COL4A2: variants seen among roughly 807,000 people sequenced by gnomAD.
COL4A2 encodes the protein collagen type IV alpha 2 chain.
Under a neutral mutation model 200.2 loss-of-function variants are expected in COL4A2, and 99 were observed. That is an observed-to-expected ratio of 0.49 (90% CI 0.42 to 0.58). The LOEUF (loss-of-function observed/expected upper bound fraction) is 0.58, where lower values mean the gene tolerates loss of function less well. Ranked by LOEUF, COL4A2 falls within the 20% of genes least tolerant of loss-of-function variation. The pLI is 0.00. For synonymous variants in COL4A2, 897 were observed against 900.6 expected (o/e 1.00, Z 0.07); for missense variants, 1,950 against 2,314.1 (o/e 0.84, Z 3.23).
intron 4 of COL4A2, among the ~76,000 whole-genome samples, chr13:110,422,252 T>C (rs1051702074): frequency 1.3e-5 from 2 of 152,136 alleles, no homozygotes; most frequent in Admixed American, 6.5e-5. Flanking sequence ...CTAAACAAAA[T>C]TGAGCACCAC....
chr13:110,430,736 A>G, intron 10 of COL4A2, 129 bp downstream of exon 10: 1 of 1,250,382 alleles, frequency 8.0e-7, no homozygotes. Context: ...GGCGTAGCAG[A>G]GAACATCAAG....
At chr13:110,370,250 TTTTTG>T (rs537569445) in intron 4 of COL4A2, among the ~76,000 whole-genome samples, 1 of 151,686 alleles carries the variant, frequency 6.6e-6, no homozygotes, top group Non-Finnish European at 1.5e-5. Context: ...TTTGACAAGT[TTTTTG>T]TTTTGTTTTG....
rs548289523 is a variant in COL4A2, at chr13:110,319,147, A to G, written c.99+11024A>G. Among the ~76,000 whole-genome samples the G allele has an allele frequency of 4.9e-4, 74 of 152,058 alleles. 1 individual carries two copies. In the South Asian group the frequency reaches 0.011, roughly 22 times the overall value. ...GTGGGGGGAGGTTTTAGTCTTCACG[A>G]TTCTGGTGCCTGGAGTGCTGAGACC... On this transcript the variant is annotated intron_variant, in intron 3 of 47. Coordinates refer to ENST00000360467, the MANE Select transcript of COL4A2 (RefSeq NM_001846.4).
intron 3 of COL4A2, among the ~76,000 whole-genome samples, chr13:110,338,333 G>GGAGA (rs754421670): frequency 1.5e-4 from 23 of 151,570 alleles, no homozygotes; most frequent in African/African-American, 1.5e-4. Flanking sequence ...AAACAGTGAG[G>GGAGA]GAGAGAGAGA....
intron 29 of COL4A2, among the ~76,000 whole-genome samples, 162 bp downstream of exon 29, chr13:110,473,312 T>C (rs999889329): frequency 3.3e-5 from 5 of 152,166 alleles, no homozygotes; most frequent in African/African-American, 9.7e-5. Flanking sequence ...CTTTAGAATG[T>C]GTCTGTCACA....
rs1352195646 is a variant in COL4A2, at chr13:110,512,084, A to G, written c.5032A>G (p.Thr1678Ala). The change falls in exon 48 of 48, where the codon ACC (threonine) becomes GCC (alanine). Residue 1678 changes from threonine to alanine, a missense_variant. Coordinates refer to ENST00000360467, the MANE Select transcript of COL4A2 (RefSeq NM_001846.4). ...CAACAAGTACAGCTTCTGGCTGACCACCATTCCCGAGCAGAGCTTCCAGGG... is the reference window on the plus strand; with the variant it reads ...CAACAAGTACAGCTTCTGGCTGACCGCCATTCCCGAGCAGAGCTTCCAGGG... ...YANKYSFWLT[T>A]IPEQSFQGSP... 12 of 1,613,602 alleles carry G rather than the reference A, an allele frequency of 7.4e-6. No homozygotes were observed. The highest frequency in any genetic ancestry group is 1.3e-5 in the African/African-American group (1 of 74,920).
intron 4 of COL4A2, among the ~76,000 whole-genome samples, chr13:110,408,577 T>A (rs1879666894): frequency 6.6e-6 from 1 of 152,162 alleles, no homozygotes; most frequent in Admixed American, 6.5e-5. Flanking sequence ...AGAGCCGCCC[T>A]CTGGCCATCG....
Position 110,503,288 on chromosome 13 carries a change from A to G in COL4A2, c.4039+6A>G. Reference sequence around the variant, plus strand: ...TGGTCTCCCAGGAGAAAAAGGTAACAGTGCCCATGGCCATGGGCCAGCAGC... The same window carrying G: ...TGGTCTCCCAGGAGAAAAAGGTAACGGTGCCCATGGCCATGGGCCAGCAGC... On this transcript the variant is annotated splice_donor_region_variant and intron_variant, in intron 42 of 47. Transcript: ENST00000360467. 6.2e-7 allele frequency: 1 copy of G among 1,600,812 alleles called. No individual in the cohort carries two copies. Among genetic ancestry groups the G allele is most frequent in the Non-Finnish European group, 8.5e-7 (1 of 1,174,518 alleles).
In COL4A2 at chr13:110,490,472, G is replaced by T. The variant is rs115464256; in HGVS notation, c.3346+687G>T. 7.2e-5 allele frequency among the ~76,000 whole-genome samples: 11 copies of T among 152,352 alleles called. No individual in the cohort carries two copies. The South Asian group carries it at 2.3e-3, about 32-fold the overall frequency. On this transcript the variant is annotated intron_variant, in intron 36 of 47. Coordinates refer to ENST00000360467, the MANE Select transcript of COL4A2 (RefSeq NM_001846.4). ...TCCAGGGTTGGCCAGTGGGGAGACT[G>T]CTGGGCCAGTTCTTTATCTAGAAAT...
At chr13:110,492,391 C>A (rs1359431191) in intron 38 of COL4A2, among the ~76,000 whole-genome samples, 1 of 152,234 alleles carries the variant, frequency 6.6e-6, no homozygotes, top group East Asian at 1.9e-4. Context: ...ATGCACAAAT[C>A]TGCCCAGGGC....
chr13:110,401,078 G>T (rs1224535273), intron 4 of COL4A2, among the ~76,000 whole-genome samples: 1 of 152,152 alleles, frequency 6.6e-6, no homozygotes, highest in East Asian at 1.9e-4. Flanking sequence ...CAGTTTTATA[G>T]CTGACTGTCC....
At chr13:110,430,482 G>C in intron 9 of COL4A2, 46 bp downstream of exon 9, 1 of 1,614,056 alleles carries the variant, frequency 6.2e-7, no homozygotes, top group Non-Finnish European at 8.5e-7. Context: ...AAGTTTAAGA[G>C]CTTCAGAACT....
intron 7 of COL4A2, chr13:110,429,458 T>TAA (rs2139458274): frequency 5.7e-6 from 1 of 175,890 alleles, no homozygotes; most frequent in Non-Finnish European, 1.2e-5. Flanking sequence ...CTACTGTTTA[T>TAA]ATTTGACACA....
chr13:110,492,617 G>T (rs535584898), intron 38 of COL4A2, among the ~76,000 whole-genome samples: 3 of 152,226 alleles, frequency 2.0e-5, no homozygotes, highest in Admixed American at 6.5e-5. Context: ...CCACCTGTTT[G>T]CTGTGTCCTG....
intron 4 of COL4A2, among the ~76,000 whole-genome samples, chr13:110,406,349 G>T (rs7982289): frequency 0.017 from 2,644 of 152,234 alleles, 39 homozygotes; most frequent in Middle Eastern, 0.068. Flanking sequence ...CTGAGAGCCC[G>T]GCACAGGACT....
At chr13:110,486,590 A>G (rs1987498) in intron 34 of COL4A2, among the ~76,000 whole-genome samples, 133,512 of 152,216 alleles carry the variant, frequency 0.88, 58,504 homozygotes, top group Middle Eastern at 0.93. Context: ...GGGCCCCTTG[A>G]TGTGTTTCAG....
Position 110,485,381 on chromosome 13 carries a change from G to A in COL4A2, c.3026-274G>A, listed in dbSNP as rs113863341. Among the ~76,000 whole-genome samples the A allele has an allele frequency of 2.2e-4, 33 of 152,140 alleles. No individual in the cohort carries two copies. In the East Asian group the frequency reaches 4.1e-3, roughly 19 times the overall value. ...TACTAAAAATACAAAAAAATTAGCC[G>A]GCATGGTGGTGGGCGCCTGTAGTCC... On this transcript the variant is annotated intron_variant, in intron 33 of 47. Transcript: ENST00000360467.
At chr13:110,332,512 C>G (rs1875971969) in intron 3 of COL4A2, among the ~76,000 whole-genome samples, 1 of 152,238 alleles carries the variant, frequency 6.6e-6, no homozygotes, top group South Asian at 2.1e-4. Flanking sequence ...CTCCCACACA[C>G]AGCACCTTCT....
chr13:110,461,804 C>T (rs745738906), intron 22 of COL4A2, among the ~76,000 whole-genome samples: 1 of 152,104 alleles, frequency 6.6e-6, no homozygotes, highest in Non-Finnish European at 1.5e-5. Context: ...CAAAGTGCTG[C>T]GATTACAGAA....
Sources: allele counts gnomAD v4.1 joint callset (sites outside exome capture counted in the v4.1 genomes callset), GRCh38; gene constraint gnomAD v4.1.1; transcripts MANE v1.5; gene names NCBI Gene and HGNC (gene_info 2026-07-23, HGNC 2026-07-21).